The following ROBO2 variants were observed in gnomAD, a reference collection of about 807,000 sequenced individuals.
The protein encoded by ROBO2 is roundabout homolog 2.
A neutral mutation model predicts 160.8 loss-of-function variants in ROBO2; 53 were observed. The observed-to-expected ratio is 0.33, with a 90% confidence interval of 0.26 to 0.41. ROBO2 has a LOEUF of 0.41. Among genes scored for constraint, ROBO2 ranks in the 10% least tolerant of loss-of-function variants. ROBO2 has a pLI of 1.00. For missense variants in ROBO2, 1,577 were observed against 1,722.4 expected, an observed-to-expected ratio of 0.92 and a Z score of 1.49; for synonymous variants, 664 against 611.7, an observed-to-expected ratio of 1.09 and a Z score of -1.26.
chr3:77,010,447 A>G (rs951559149), intron 2 of ROBO2, among the ~76,000 whole-genome samples: 1 of 152,216 alleles, frequency 6.6e-6, no homozygotes, highest in Non-Finnish European at 1.5e-5. Flanking sequence ...CTCCGCGTTT[A>G]TAATAAAAGC....
intron 2 of ROBO2, among the ~76,000 whole-genome samples, chr3:77,214,261 T>A (rs1417660760): frequency 1.3e-5 from 2 of 152,200 alleles, no homozygotes; most frequent in African/African-American, 4.8e-5. Flanking sequence ...GTCTGGGTGC[T>A]CCTGTATTGG....
At position 76,281,103 on chromosome 3, in the gene ROBO2, TA is replaced by T. The variant is rs372581161; in HGVS notation, c.109+343502del. ...ATTTTCTAGACAAGAACATTTATCATATCAAAAATAATAAATCCAACTGCAT... is the reference window on the plus strand; with the variant it reads ...ATTTTCTAGACAAGAACATTTATCATTCAAAAATAATAAATCCAACTGCAT... On this transcript the variant is annotated intron_variant, in intron 2 of 26. Transcript: ENST00000487694. 1.2e-4 allele frequency among the ~76,000 whole-genome samples: 18 copies of T among 152,026 alleles called. No homozygotes were observed. The South Asian group carries it at 3.5e-3, about 30-fold the overall frequency.
intron 2 of ROBO2, among the ~76,000 whole-genome samples, chr3:77,442,490 C>T (rs1284873858): frequency 1.3e-5 from 2 of 152,010 alleles, no homozygotes; most frequent in Non-Finnish European, 2.9e-5. Context: ...AGAGCTGTAT[C>T]ATATAAAACA....
chr3:76,700,044 C>T (rs1426725287), intron 2 of ROBO2, among the ~76,000 whole-genome samples: 1 of 152,032 alleles, frequency 6.6e-6, no homozygotes. Context: ...CTTGGGCACC[C>T]CCTAGTTCTC....
intron 13 of ROBO2, among the ~76,000 whole-genome samples, chr3:77,569,071 G>A (rs996939574): frequency 1.2e-4 from 18 of 151,860 alleles, no homozygotes; most frequent in African/African-American, 3.6e-4. Flanking sequence ...ATGGATGTTC[G>A]GGTTGTTTCC....
chr3:77,353,419 C>G (rs2068624174), intron 2 of ROBO2, among the ~76,000 whole-genome samples: 1 of 152,128 alleles, frequency 6.6e-6, no homozygotes, highest in Non-Finnish European at 1.5e-5. Flanking sequence ...TTATTTGAAT[C>G]AAGATAGGGA....
chr3:76,567,712 TATATATATATGTCA>T (rs1229561583), intron 2 of ROBO2, among the ~76,000 whole-genome samples: 4 of 139,298 alleles, frequency 2.9e-5, no homozygotes, highest in Non-Finnish European at 6.2e-5. Flanking sequence ...TGTATATGTG[TATATATATATGTCA>T]GTATATATAT....
intron 2 of ROBO2, among the ~76,000 whole-genome samples, chr3:76,863,549 C>T (rs966344120): frequency 5.3e-5 from 8 of 151,874 alleles, no homozygotes; most frequent in Non-Finnish European, 8.8e-5. Context: ...ATCTTATATA[C>T]ATAATAGATT....
intron 2 of ROBO2, among the ~76,000 whole-genome samples, chr3:76,158,594 G>T (rs144472208): frequency 7.9e-5 from 12 of 152,250 alleles, no homozygotes; most frequent in African/African-American, 2.6e-4. Flanking sequence ...AATGAATGGG[G>T]TGGGGTTGGG....
At chr3:76,492,026 G>A (rs1299319557) in intron 2 of ROBO2, among the ~76,000 whole-genome samples, 1 of 152,150 alleles carries the variant, frequency 6.6e-6, no homozygotes, top group Non-Finnish European at 1.5e-5. Flanking sequence ...TGAGGCAGGA[G>A]GATCGCTTGA....
intron 2 of ROBO2, among the ~76,000 whole-genome samples, chr3:76,962,371 G>T (rs2079731742): frequency 6.6e-6 from 1 of 151,936 alleles, no homozygotes; most frequent in African/African-American, 2.4e-5. Context: ...GGCCATGGTG[G>T]CTCATGCCAC....
intron 2 of ROBO2, among the ~76,000 whole-genome samples, chr3:76,657,483 C>T (rs932104242): frequency 6.6e-6 from 1 of 150,870 alleles, no homozygotes; most frequent in Non-Finnish European, 1.5e-5. Flanking sequence ...CGGTGGCTCA[C>T]GCCTGTAGTT....
chr3:77,402,529 T>A lies in ROBO2; in HGVS notation c.389-74885T>A, dbSNP rs1220152917. ...AAACAGAAACACCTGAAACCGGTGA[T>A]CAGAAACTTCTGAATATCTCAGGAG... On this transcript the variant is annotated intron_variant, in intron 2 of 25. Coordinates refer to ENST00000461745, the Ensembl canonical transcript of ROBO2. 2.0e-5 allele frequency among the ~76,000 whole-genome samples: 3 copies of A among 152,248 alleles called. No homozygotes were observed. In the East Asian group the frequency reaches 5.8e-4, roughly 29 times the overall value.
chr3:76,255,652 A>G (rs1241436265), intron 2 of ROBO2, among the ~76,000 whole-genome samples: 1 of 152,120 alleles, frequency 6.6e-6, no homozygotes, highest in Non-Finnish European at 1.5e-5. Context: ...AAAATAAACT[A>G]TAATAATGAG....
chr3:75,948,478 C>A (rs1428019972), intron 2 of ROBO2, among the ~76,000 whole-genome samples: 1 of 151,976 alleles, frequency 6.6e-6, no homozygotes, highest in Non-Finnish European at 1.5e-5. Flanking sequence ...AGCCACATGC[C>A]AATTCACCTG....
At chr3:77,479,163 G>A (rs753301439) in intron 3 of ROBO2, among the ~76,000 whole-genome samples, 4 of 152,168 alleles carry the variant, frequency 2.6e-5, no homozygotes, top group Non-Finnish European at 4.4e-5. Flanking sequence ...TCTGGGAGAG[G>A]TGGTGACAAG....
At chr3:76,397,334 T>G (rs963402600) in intron 2 of ROBO2, among the ~76,000 whole-genome samples, 2 of 152,108 alleles carry the variant, frequency 1.3e-5, no homozygotes, top group Non-Finnish European at 2.9e-5. Context: ...CAAGGTGGAA[T>G]AAAGACTTAA....
At chr3:77,278,358 C>A (rs1236540286) in intron 2 of ROBO2, among the ~76,000 whole-genome samples, 2 of 152,150 alleles carry the variant, frequency 1.3e-5, no homozygotes, top group Admixed American at 6.5e-5. Context: ...TAACTCATAT[C>A]TTTCCAAACC....
intron 2 of ROBO2, among the ~76,000 whole-genome samples, chr3:76,241,281 TG>T (rs748032499): frequency 1.8e-4 from 27 of 152,194 alleles, no homozygotes; most frequent in Middle Eastern, 3.4e-3. Context: ...ATAAAAACAA[TG>T]AAGAAGAAAA....
Sources: allele counts gnomAD v4.1 joint callset (sites outside exome capture counted in the v4.1 genomes callset), GRCh38; gene constraint gnomAD v4.1.1; transcripts MANE v1.5; gene names NCBI Gene and HGNC (gene_info 2026-07-23, HGNC 2026-07-21).